VPS13D: variants seen among roughly 807,000 people sequenced by gnomAD.
VPS13D encodes vacuolar protein sorting 13 homolog D.
In VPS13D, 187 loss-of-function variants were observed where a neutral mutation model predicts 461.9. The observed-to-expected ratio is 0.40, with a 90% CI of 0.36 to 0.46. The LOEUF is 0.46. Among genes scored for constraint, VPS13D ranks in the 20% least tolerant of loss-of-function variants. The pLI, the probability that VPS13D is intolerant of heterozygous loss-of-function variation, is 0.60. For synonymous variants in VPS13D, 1,951 were observed against 1,986.3 expected (o/e 0.98, Z 0.47); for missense variants, 4,711 against 5,364.9 (o/e 0.88, Z 3.81).
chr1:12,455,735 A>G (rs1339248656), intron 65 of VPS13D, among the ~76,000 whole-genome samples: 2 of 152,130 alleles, frequency 1.3e-5, no homozygotes, highest in African/African-American at 4.8e-5. Flanking sequence ...CCTGACCAAC[A>G]TGGTGAAACC....
chr1:12,282,896 C>G lies in VPS13D; in HGVS notation c.4794C>G (p.Ser1598Arg). ...AGAATGGATTGTTCAGCCACTCCAGCCTTTCTAACACCTCTCAGAAGTCAT... is the reference window on the plus strand; with the variant it reads ...AGAATGGATTGTTCAGCCACTCCAGGCTTTCTAACACCTCTCAGAAGTCAT... ...RKENGLFSHS[S>R]LSNTSQKSLS... The change falls in exon 21 of 70, where the codon AGC becomes AGG. Residue 1598 changes from serine (S) to arginine (R), a missense_variant. Ser to Arg is a moderately radical substitution (Grantham distance 110). This residue lies in a region of VPS13D where 4,411 missense variants were observed against 4,937.8 expected (regional missense o/e 0.89). Coordinates refer to ENST00000620676, the MANE Select transcript of VPS13D (RefSeq NM_015378.4). 6.2e-7 allele frequency: 1 copy of G among 1,614,158 alleles called. No individual in the cohort carries two copies. The highest frequency in any genetic ancestry group is 8.5e-7 in the Non-Finnish European group (1 of 1,180,018).
At chr1:12,230,429 G>A (rs924761981) in intron 1 of VPS13D, among the ~76,000 whole-genome samples, 1 of 152,134 alleles carries the variant, frequency 6.6e-6, no homozygotes, top group Non-Finnish European at 1.5e-5. Context: ...CGACGTCCGT[G>A]TCCTGGGGAG....
intron 53 of VPS13D, 124 bp from the exon 54 acceptor site, chr1:12,369,343 C>T: frequency 1.2e-6 from 1 of 837,688 alleles, no homozygotes; most frequent in Non-Finnish European, 1.9e-6. Context: ...TTCACTGGGG[C>T]TTATTTCCTG....
chr1:12,238,324 G>C (rs1206478714), intron 2 of VPS13D, among the ~76,000 whole-genome samples: 1 of 150,018 alleles, frequency 6.7e-6, no homozygotes, highest in Non-Finnish European at 1.5e-5. Flanking sequence ...TGTAGTCCTG[G>C]CTACTGAGGA....
intron 36 of VPS13D, among the ~76,000 whole-genome samples, chr1:12,328,357 T>TA: frequency 7.3e-6 from 1 of 137,444 alleles, no homozygotes; most frequent in East Asian, 2.0e-4. Flanking sequence ...GAGTACTCTA[T>TA]CCTTTTTTTT....
At chr1:12,385,533 A>G (rs147132900) in intron 59 of VPS13D, among the ~76,000 whole-genome samples, 160 bp downstream of exon 59, 20 of 152,350 alleles carry the variant, frequency 1.3e-4, no homozygotes, top group African/African-American at 4.8e-4. Context: ...GTGTGAATGT[A>G]TTATGTAAAT....
rs999955537 is a variant in VPS13D, at chr1:12,323,651, G to A, written c.7916-55G>A. The A allele has an allele frequency of 6.0e-6, 9 of 1,510,818 alleles. No homozygotes were observed. In the African/African-American group the frequency reaches 1.1e-4, roughly 19 times the overall value. The allele number at this position is 1,510,818 out of a possible 1,614,324, so 93.6% of individuals were successfully genotyped here. A position where few individuals can be genotyped will look rare whatever the true frequency, so the allele number is the denominator to read the frequency against. On this transcript the variant is annotated intron_variant, in intron 34 of 69. Coordinates refer to ENST00000620676, the MANE Select transcript of VPS13D (RefSeq NM_015378.4). ...TTTTCTTTTTTTCTAAAATTAGTTTGTAGATTAATTTACATAAAATTATTT... is the reference window on the plus strand; with the variant it reads ...TTTTCTTTTTTTCTAAAATTAGTTTATAGATTAATTTACATAAAATTATTT...
Position 12,249,219 on chromosome 1 carries a change from G to A in VPS13D, c.448-4G>A, listed in dbSNP as rs1363514436. ...CAGCTGCTTTTTCTTTTTTCTCTTT[G>A]CAGTTAAAAATTCAAGATGTCCATT... is the stretch of plus-strand genomic sequence containing the variant. On this transcript the variant is annotated splice_region_variant and splice_polypyrimidine_tract_variant and intron_variant, in intron 5 of 69. Coordinates refer to ENST00000620676, the MANE Select transcript of VPS13D (RefSeq NM_015378.4). 2 of 1,602,648 alleles carry A rather than the reference G, an allele frequency of 1.2e-6. No homozygotes were observed. The highest frequency in any genetic ancestry group is 1.7e-5 in the Admixed American group (1 of 58,176).
chr1:12,237,921 C>T (rs1242913381), intron 2 of VPS13D, among the ~76,000 whole-genome samples: 1 of 151,914 alleles, frequency 6.6e-6, no homozygotes, highest in Non-Finnish European at 1.5e-5. Context: ...TTTGGGAGGC[C>T]AAGGCGGGCA....
Position 12,311,535 on chromosome 1 carries a change from C to T in VPS13D, c.6732C>T (p.Tyr2244=), listed in dbSNP as rs1642748835. ...SVHCSLDLYK[Y]KLIRGLLENN... Reference sequence around the variant, plus strand: ...ACTGCTCTCTGGATCTGTATAAATACAAGCTGATCCGCGGCTTATTAGAGA... The same window carrying T: ...ACTGCTCTCTGGATCTGTATAAATATAAGCTGATCCGCGGCTTATTAGAGA... Residue 2244 remains tyrosine (Y), a synonymous_variant, in exon 28 of 70, where the codon TAC becomes TAT. Transcript: ENST00000620676. 1.2e-6 allele frequency: 2 copies of T among 1,614,160 alleles called. No homozygotes were observed. The highest frequency in any genetic ancestry group is 1.7e-6 in the Non-Finnish European group (2 of 1,180,030).
At chr1:12,435,907 A>C (rs1275470076) in intron 65 of VPS13D, among the ~76,000 whole-genome samples, 7 of 152,136 alleles carry the variant, frequency 4.6e-5, no homozygotes, top group African/African-American at 1.7e-4. Context: ...GAAACCAGGA[A>C]ATTGTTCTAA....
intron 17 of VPS13D, 147 bp downstream of exon 17, chr1:12,271,271 A>G: frequency 1.9e-6 from 2 of 1,026,610 alleles, no homozygotes; most frequent in Non-Finnish European, 2.8e-6. Flanking sequence ...ATCAGCTAGC[A>G]TAGAATAGAA....
intron 54 of VPS13D, among the ~76,000 whole-genome samples, chr1:12,371,860 A>G (rs1022470563): frequency 3.9e-5 from 6 of 152,080 alleles, no homozygotes; most frequent in African/African-American, 1.2e-4. Flanking sequence ...TTGTTTGAGT[A>G]CTTGTTTTCA....
At chr1:12,397,367 C>T (rs1644513415) in intron 60 of VPS13D, among the ~76,000 whole-genome samples, 1 of 152,226 alleles carries the variant, frequency 6.6e-6, no homozygotes, top group Admixed American at 6.5e-5. Context: ...TAGAGATCCT[C>T]TCCTTAGGCA....
chr1:12,475,684 T>C (rs1188220880), intron 67 of VPS13D, among the ~76,000 whole-genome samples: 6 of 152,212 alleles, frequency 3.9e-5, no homozygotes, highest in Non-Finnish European at 8.8e-5. Context: ...GCCCTCCCTC[T>C]GATTTCACCT....
intron 65 of VPS13D, among the ~76,000 whole-genome samples, chr1:12,444,940 G>A (rs1032946332): frequency 2.0e-5 from 3 of 152,146 alleles, no homozygotes; most frequent in African/African-American, 4.8e-5. Flanking sequence ...TTTCCCCCAT[G>A]CATACCTCCC....
chr1:12,455,929 A>T, intron 65 of VPS13D, 69 bp from the exon 66 acceptor site: 1 of 1,502,762 alleles, frequency 6.7e-7, no homozygotes, highest in Non-Finnish European at 8.9e-7. Context: ...AAATTTATTT[A>T]AAGTAATTCA....
At chr1:12,470,481 G>C (rs900142603) in intron 67 of VPS13D, among the ~76,000 whole-genome samples, 2 of 152,114 alleles carry the variant, frequency 1.3e-5, no homozygotes, top group African/African-American at 4.8e-5. Flanking sequence ...TTGAACTATC[G>C]AGGGCCCAGT....
intron 5 of VPS13D, among the ~76,000 whole-genome samples, chr1:12,246,367 C>A (rs1028939765): frequency 6.6e-6 from 1 of 152,116 alleles, no homozygotes; most frequent in African/African-American, 2.4e-5. Flanking sequence ...AATCTGAAAT[C>A]CTCCAAAGTT....
Sources: allele counts gnomAD v4.1 joint callset (sites outside exome capture counted in the v4.1 genomes callset), GRCh38; gene constraint gnomAD v4.1.1; regional missense constraint gnomAD v4.1.1; transcripts MANE v1.5; gene names NCBI Gene and HGNC (gene_info 2026-07-23, HGNC 2026-07-21).